The following NBPF12 variants were observed in gnomAD, a reference collection of about 807,000 sequenced individuals.
NBPF12 encodes the protein NBPF family member NBPF12.
In NBPF12, 115 loss-of-function variants were observed where a neutral mutation model predicts 146.4. The observed-to-expected ratio is 0.79, with a 90% confidence interval of 0.68 to 0.92. NBPF12 has a LOEUF of 0.92. Ranked by LOEUF, NBPF12 falls within the 40% of genes least tolerant of loss-of-function variation. NBPF12 has a pLI of 0.00. For synonymous variants in NBPF12, 385 were observed against 508.9 expected (o/e 0.76, Z 3.28); for missense variants, 1,205 against 1,326.8 (o/e 0.91, Z 1.43).
At chr1:146,944,913 TCCCTC>T (rs1654957531), upstream of NBPF12, among the ~76,000 whole-genome samples, 28 of 102,278 alleles carry the variant, frequency 2.7e-4, no homozygotes, top group African/African-American at 1.2e-3. Context: ...CCTCCCTTCC[TCCCTC>T]CCTCCCTGCC....
At chr1:146,974,213 G>T (rs1656846888) in intron 14 of NBPF12, among the ~76,000 whole-genome samples, 2 of 147,696 alleles carry the variant, frequency 1.4e-5, no homozygotes, top group South Asian at 4.3e-4. Flanking sequence ...ATGGTGTTAT[G>T]TGTCACACTT....
intron 7 of NBPF12, 110 bp from the exon 11 acceptor site, chr1:146,964,782 CT>C: frequency 1.3e-6 from 2 of 1,574,956 alleles, no homozygotes; most frequent in Non-Finnish European, 1.7e-6. Flanking sequence ...CTCCATTTTG[CT>C]TTCTGGGACC....
At chr1:146,973,649 A>G (rs1233394403) in intron 14 of NBPF12, among the ~76,000 whole-genome samples, 3,165 of 144,818 alleles carry the variant, frequency 0.022, 28 homozygotes, top group Middle Eastern at 0.078. Flanking sequence ...GTAGATGGGC[A>G]TGGTGGCAGG....
chr1:146,942,987 A>C (rs1233998762), intron 1 of NBPF12, among the ~76,000 whole-genome samples: 11 of 140,068 alleles, frequency 7.9e-5, no homozygotes, highest in African/African-American at 3.0e-4. Context: ...ACTAACCTCT[A>C]ACTCAAGGCT....
intron 16 of NBPF12, among the ~76,000 whole-genome samples, 163 bp from the exon 20 acceptor site, chr1:146,976,766 C>T (rs1233570407): frequency 1.3e-5 from 2 of 149,974 alleles, no homozygotes; most frequent in Non-Finnish European, 3.0e-5. Context: ...GCCTGATGGA[C>T]CAGGAAACCA....
At chr1:146,962,973 A>G (rs1296629283) in intron 5 of NBPF12, 122 bp from the exon 9 acceptor site, 4 of 670,704 alleles carry the variant, frequency 6.0e-6, no homozygotes, top group Non-Finnish European at 1.1e-5. Flanking sequence ...TCCTTTCAAC[A>G]TGTGCTGACC....
Position 146,951,898 on chromosome 1 carries a change from T to C in NBPF12, c.-184+409T>C, listed in dbSNP as rs1655339475. On this transcript the variant is annotated intron_variant, in intron 2 of 33. Transcript: ENST00000617844. ...AGTGCAGCAACCCAAGAGTGTCTTA[T>C]CTGAAATACCACCAGGAATGTCTGG... 8.2e-5 allele frequency: 15 copies of C among 183,094 alleles called. No homozygotes were observed. The South Asian group carries it at 1.5e-3, about 18-fold the overall frequency. 11.3% of individuals were successfully genotyped at this position (183,094 alleles called of 1,614,324 possible).
rs1655893760 is a variant in NBPF12 at position 146,962,226 on chromosome 1, A to G, written c.241A>G (p.Lys81Glu). ...GAATGAGCGACAGTTCAAGGAGGAG[A>G]AGCTTGCAGAGCAGCTGAAACAAGC... The change falls in exon 5 of 34, where the codon AAG becomes GAG. Residue 81 changes from lysine (K) to glutamate (E), a missense_variant. By Grantham distance (56) the Lys-to-Glu change is moderately conservative. This residue lies in a region of NBPF12 where 138 missense variants were observed against 101.7 expected (regional missense o/e 1.36). Transcript: ENST00000617844. The G allele has an allele frequency of 3.1e-6, 5 of 1,607,612 alleles. No homozygotes were observed. The Admixed American group carries it at 8.3e-5, about 27-fold the overall frequency.
intron 7 of NBPF12, among the ~76,000 whole-genome samples, 168 bp downstream of exon 10, chr1:146,964,597 CTA>C (rs1263838805): frequency 4.0e-5 from 6 of 151,846 alleles, no homozygotes; most frequent in African/African-American, 7.3e-5. Context: ...TCATGTTTCT[CTA>C]TGTGTGCCAA....
intron 13 of NBPF12, 39 bp downstream of exon 16, chr1:146,971,433 G>C: frequency 6.5e-7 from 1 of 1,538,174 alleles, no homozygotes. Context: ...CCTCTGTCTA[G>C]GCTATGGAAG....
chr1:146,949,308 A>G (rs1242722513), upstream of NBPF12: 2 of 143,144 alleles, frequency 1.4e-5, no homozygotes, highest in East Asian at 4.2e-4. Flanking sequence ...TCACTGAACC[A>G]TTTTTATTCT....
At chr1:146,994,705 C>T in exon 34 of NBPF12, 2 of 1,459,346 alleles carry the variant, frequency 1.4e-6, no homozygotes, top group Non-Finnish European at 1.8e-6. Flanking sequence ...GGCTCTATTC[C>T]TATTCTCAGA....
chr1:146,956,675 TAAA>T (rs1369776910), intron 2 of NBPF12, among the ~76,000 whole-genome samples: 11 of 151,044 alleles, frequency 7.3e-5, no homozygotes, highest in Non-Finnish European at 1.5e-4. Context: ...TGAGAAAAAT[TAAA>T]GAAGGCTAAA....
rs1283578975 is a variant in NBPF12, at chr1:146,968,880, C to T, written c.1091+330C>T. Among the ~76,000 whole-genome samples, 52 of 151,236 alleles carry T rather than the reference C, an allele frequency of 3.4e-4. 1 individual carries two copies. Among genetic ancestry groups the T allele is most frequent in the Admixed American group, 9.8e-4 (15 of 15,230 alleles). ...TGGTGTGCCATCACGACCCCACTTACCCTTAGTGAGAATCACCTCCTGACT... is the reference window on the plus strand; with the variant it reads ...TGGTGTGCCATCACGACCCCACTTATCCTTAGTGAGAATCACCTCCTGACT... On this transcript the variant is annotated intron_variant, in intron 10 of 33. Transcript: ENST00000617844.
chr1:146,943,277 C>T lies in NBPF12; in HGVS notation c.-821-14C>T. 4.8e-6 allele frequency: 1 copy of T among 209,844 alleles called. No individual in the cohort carries two copies. The highest frequency in any genetic ancestry group is 9.4e-6 in the Non-Finnish European group (1 of 105,968). 13.0% of individuals were successfully genotyped at this position (209,844 alleles called of 1,614,324 possible). A position where few individuals can be genotyped will look rare whatever the true frequency, so the allele number is the denominator to read the frequency against. On this transcript the variant is annotated splice_polypyrimidine_tract_variant and intron_variant, in intron 1 of 35. Transcript: ENST00000617931. ...TCTCAATGTTAACCTTGATTTCTCT[C>T]TTTTATCTCATAGGCATTCTGAAGG...
intron 8 of NBPF12, 111 bp from the exon 12 acceptor site, chr1:146,966,353 T>C: frequency 1.0e-6 from 1 of 978,616 alleles, no homozygotes; most frequent in Non-Finnish European, 1.7e-6. Context: ...CAGGGAAACA[T>C]CATCTTCGAA....
chr1:146,948,844 G>C (rs1303331294), upstream of NBPF12, among the ~76,000 whole-genome samples: 3 of 151,564 alleles, frequency 2.0e-5, no homozygotes, highest in Non-Finnish European at 4.4e-5. Context: ...ATGTCTCGGT[G>C]TAAAGCCCGA....
In NBPF12 at chr1:146,975,489, C is replaced by G. The variant is rs1315761109; in HGVS notation, c.1905-188C>G. ...ATCGAGGATCTTGCAGGAGCCCTCT[C>G]TGATACAGAGGAAGCCTGTAAACCA... On this transcript the variant is annotated intron_variant, in intron 15 of 33. Transcript: ENST00000617844. Among the ~76,000 whole-genome samples, 12 of 149,514 alleles carry G rather than the reference C, an allele frequency of 8.0e-5. No homozygotes were observed. In the South Asian group the frequency reaches 1.1e-3, roughly 13 times the overall value.
At chr1:146,946,964 T>C (rs1229324092), upstream of NBPF12, among the ~76,000 whole-genome samples, 2 of 151,988 alleles carry the variant, frequency 1.3e-5, no homozygotes, top group Admixed American at 1.3e-4. Context: ...TCTCTAAAGC[T>C]CCATGGAAGA....
Sources: gnomAD v4.1 joint callset for allele counts (sites outside exome capture counted in the v4.1 genomes callset) on GRCh38, gnomAD v4.1.1 for gene constraint, gnomAD v4.1.1 regional missense constraint, MANE v1.5 for transcripts, NCBI Gene and HGNC (gene_info 2026-07-23, HGNC 2026-07-21) for gene names.